Variants in MSI2 observed in about 807,000 individuals in gnomAD.
The protein encoded by MSI2 is RNA-binding protein Musashi homolog 2.
A neutral mutation model predicts 45.6 loss-of-function variants in MSI2; 17 were observed. The observed-to-expected ratio is 0.37, with a 90% CI of 0.26 to 0.56. MSI2 has a LOEUF of 0.56. Among genes scored for constraint, MSI2 ranks in the 20% least tolerant of loss-of-function variants. MSI2 has a pLI of 0.77. For missense variants in MSI2, 293 were observed against 444.2 expected, an observed-to-expected ratio of 0.66 and a Z score of 3.06; for synonymous variants, 156 against 158.2, an observed-to-expected ratio of 0.99 and a Z score of 0.11.
chr17:57,376,914 G>A (rs1180614265), intron 5 of MSI2, among the ~76,000 whole-genome samples: 2 of 143,978 alleles, frequency 1.4e-5, no homozygotes, highest in Non-Finnish European at 3.0e-5. Flanking sequence ...ACGTTGACCT[G>A]CAAGTGCCTT....
intron 5 of MSI2, among the ~76,000 whole-genome samples, chr17:57,397,641 C>T (rs890210218): frequency 6.6e-5 from 10 of 152,196 alleles, no homozygotes; most frequent in African/African-American, 2.4e-4. Flanking sequence ...CACCAGAATG[C>T]AAATTGTGGA....
Position 57,521,188 on chromosome 17 carries a change from G to A in MSI2, c.406-8488G>A, listed in dbSNP as rs9901548. ...ACACACAGGGACAGAAAGGCTGGCTGTAGCAGGAGGAGGCCAAGAACCTGA... is the reference window on the plus strand; with the variant it reads ...ACACACAGGGACAGAAAGGCTGGCTATAGCAGGAGGAGGCCAAGAACCTGA... On this transcript the variant is annotated intron_variant, in intron 6 of 13. Coordinates refer to ENST00000284073, the MANE Select transcript of MSI2 (RefSeq NM_138962.4). 3.1e-3 allele frequency among the ~76,000 whole-genome samples: 468 copies of A among 152,310 alleles called. 2 individuals carry two copies. The highest frequency in any genetic ancestry group is 0.011 in the African/African-American group (445 of 41,574).
intron 6 of MSI2, among the ~76,000 whole-genome samples, chr17:57,435,054 T>G (rs2084666624): frequency 6.6e-6 from 1 of 152,202 alleles, no homozygotes; most frequent in Non-Finnish European, 1.5e-5. Flanking sequence ...GAAGAAAATT[T>G]CCACTAATGT....
At chr17:57,349,431 A>G (rs988154282) in intron 5 of MSI2, among the ~76,000 whole-genome samples, 1 of 152,240 alleles carries the variant, frequency 6.6e-6, no homozygotes, top group Non-Finnish European at 1.5e-5. Context: ...CATTTGGCAC[A>G]GTTGAGGAGT....
chr17:57,389,001 C>G (rs770736889), intron 5 of MSI2, among the ~76,000 whole-genome samples: 4 of 114,392 alleles, frequency 3.5e-5, no homozygotes, highest in African/African-American at 1.3e-4. Context: ...TTTTTTGATA[C>G]GGAGTCTCAC....
chr17:57,286,009 G>A (rs1598072345), intron 5 of MSI2: 3 of 1,529,900 alleles, frequency 2.0e-6, no homozygotes, highest in African/African-American at 1.4e-5. Context: ...GCAATCTGAT[G>A]AGGGTAAGAA....
chr17:57,364,559 G>T (rs1045168170), intron 5 of MSI2, among the ~76,000 whole-genome samples: 1 of 152,138 alleles, frequency 6.6e-6, no homozygotes, highest in Non-Finnish European at 1.5e-5. Flanking sequence ...ATAAATTAAG[G>T]TTCTGCTTCT....
intron 5 of MSI2, among the ~76,000 whole-genome samples, chr17:57,341,641 C>T (rs998036871): frequency 1.3e-5 from 2 of 152,210 alleles, no homozygotes; most frequent in Non-Finnish European, 2.9e-5. Flanking sequence ...GGTAGCACTA[C>T]GTAAATAGCT....
At chr17:57,415,540 C>A (rs1465374104) in intron 6 of MSI2, among the ~76,000 whole-genome samples, 1 of 152,136 alleles carries the variant, frequency 6.6e-6, no homozygotes, top group African/African-American at 2.4e-5. Context: ...AGTGGGCATA[C>A]AATTTCATTT....
At position 57,631,479 on chromosome 17, in the gene MSI2, A is replaced by G. The variant is rs550173552; in HGVS notation, c.727+4176A>G. On this transcript the variant is annotated intron_variant, in intron 10 of 13. Coordinates refer to ENST00000284073, the MANE Select transcript of MSI2 (RefSeq NM_138962.4). The stretch of plus-strand genomic sequence containing the variant: ...TTCCTGGGCCACACAGCTGGTGGCA[A>G]GTGGCACCTGGCTGTGCCCATCTTC... The G allele has an allele frequency of 1.6e-5, 5 of 310,358 alleles. No individual in the cohort carries two copies. In the Admixed American group the frequency reaches 2.0e-4, roughly 13 times the overall value. 19.2% of individuals were successfully genotyped at this position (310,358 alleles called of 1,614,324 possible).
At chr17:57,692,223 T>C in the MSI2 span, among the ~76,000 whole-genome samples, 178 of 152,328 alleles carry the variant, frequency 1.2e-3, 1 homozygote, top group Middle Eastern at 3.4e-3. Context: ...TATATTATCC[T>C]TTTTACATAT....
chr17:57,525,226 C>T (rs2086672182), intron 6 of MSI2, among the ~76,000 whole-genome samples: 1 of 152,162 alleles, frequency 6.6e-6, no homozygotes, highest in Admixed American at 6.5e-5. Context: ...ACAGAGGCAT[C>T]CCATTCCCCA....
At chr17:57,353,350 T>C (rs1413775222) in intron 5 of MSI2, among the ~76,000 whole-genome samples, 1 of 152,156 alleles carries the variant, frequency 6.6e-6, no homozygotes, top group Non-Finnish European at 1.5e-5. Flanking sequence ...ACTTCCACAT[T>C]GGATGGAGGC....
chr17:57,486,351 T>C (rs1218586421), intron 6 of MSI2, among the ~76,000 whole-genome samples: 1 of 152,176 alleles, frequency 6.6e-6, no homozygotes, highest in Non-Finnish European at 1.5e-5. Context: ...TTAATCCAAA[T>C]GAGCTGAGTC....
intron 10 of MSI2, among the ~76,000 whole-genome samples, chr17:57,643,048 A>G (rs1429674377): frequency 2.0e-5 from 3 of 152,162 alleles, no homozygotes; most frequent in Non-Finnish European, 4.4e-5. Flanking sequence ...GAGCTTTGGC[A>G]GTTTCTGTTG....
intron 8 of MSI2, chr17:57,606,405 G>T (rs748722910): frequency 1.3e-5 from 2 of 152,304 alleles, no homozygotes; most frequent in African/African-American, 2.4e-5. Context: ...TTAGTCAGCT[G>T]GTCTCAGCTC....
At chr17:57,650,204 A>C (rs1347090150) in intron 10 of MSI2, among the ~76,000 whole-genome samples, 6 of 144,396 alleles carry the variant, frequency 4.2e-5, no homozygotes, top group East Asian at 4.1e-4. Context: ...CCCCTCCCCC[A>C]CTTCGTTCCT....
chr17:57,458,625 C>T (rs1044208202), intron 6 of MSI2, among the ~76,000 whole-genome samples: 1 of 152,200 alleles, frequency 6.6e-6, no homozygotes, highest in Admixed American at 6.5e-5. Flanking sequence ...GAGCCCCTCT[C>T]CAGCTCTAAT....
chr17:57,269,794 C>T (rs1908185419), intron 5 of MSI2, among the ~76,000 whole-genome samples: 1 of 152,288 alleles, frequency 6.6e-6, no homozygotes, highest in Non-Finnish European at 1.5e-5. Flanking sequence ...TCAGAGCAGT[C>T]TGACCTGTGA....
Sources: allele counts gnomAD v4.1 joint callset (sites outside exome capture counted in the v4.1 genomes callset), GRCh38; gene constraint gnomAD v4.1.1; transcripts MANE v1.5; gene names NCBI Gene and HGNC (gene_info 2026-07-23, HGNC 2026-07-21).